Variants in VPS50 observed in about 807,000 individuals in gnomAD.
VPS50 encodes syndetin.
In VPS50, 70 loss-of-function variants were observed where a neutral mutation model predicts 139.7. The observed-to-expected ratio is 0.50, with a 90% confidence interval of 0.41 to 0.61. The LOEUF is 0.61. Ranked by LOEUF, VPS50 falls within the 20% of genes least tolerant of loss-of-function variation. VPS50 has a pLI of 0.00. For missense variants in VPS50, 921 were observed against 1,133.7 expected (o/e 0.81, Z 2.69); for synonymous variants, 365 against 376.7 (o/e 0.97, Z 0.36).
At chr7:93,259,691 G>A in intron 9 of VPS50, 59 bp downstream of exon 9, 1 of 846,168 alleles carries the variant, frequency 1.2e-6, no homozygotes, top group East Asian at 2.5e-5. Flanking sequence ...TGTAGCAGCT[G>A]TGTAAAAATG....
At chr7:93,331,473 A>G (rs1797939527) in intron 21 of VPS50, among the ~76,000 whole-genome samples, 1 of 152,136 alleles carries the variant, frequency 6.6e-6, no homozygotes, top group South Asian at 2.1e-4. Context: ...AAGAGCACTA[A>G]GGCAGTTCAT....
intron 2 of VPS50, among the ~76,000 whole-genome samples, chr7:93,248,044 C>T (rs967852289): frequency 6.6e-6 from 1 of 151,832 alleles, no homozygotes; most frequent in Non-Finnish European, 1.5e-5. Context: ...TATTTTTGGA[C>T]TTTCAAGTTT....
At chr7:93,246,078 G>GA (rs1375057623) in intron 2 of VPS50, 12 of 1,484,080 alleles carry the variant, frequency 8.1e-6, no homozygotes, top group Non-Finnish European at 1.1e-5. Flanking sequence ...GTCACTAAAC[G>GA]CTTCTTTTTT....
chr7:93,251,524 G>A (rs1233756252), intron 2 of VPS50, among the ~76,000 whole-genome samples: 2 of 151,680 alleles, frequency 1.3e-5, no homozygotes, highest in African/African-American at 2.4e-5. Context: ...TTGGGGGGTG[G>A]GGGGCTAGGG....
chr7:93,306,307 A>T (rs1478678150), intron 18 of VPS50, among the ~76,000 whole-genome samples: 1 of 151,936 alleles, frequency 6.6e-6, no homozygotes, highest in Non-Finnish European at 1.5e-5. Flanking sequence ...GTGATATATT[A>T]TGTGAATATT....
intron 27 of VPS50, 123 bp from the exon 28 acceptor site, chr7:93,358,194 T>A: frequency 1.2e-6 from 1 of 856,324 alleles, no homozygotes; most frequent in Non-Finnish European, 1.9e-6. Flanking sequence ...TTCCACTGTT[T>A]TTCACTGGTT....
intron 2 of VPS50, among the ~76,000 whole-genome samples, chr7:93,250,070 T>C (rs1406607082): frequency 2.6e-5 from 4 of 152,058 alleles, no homozygotes; most frequent in Non-Finnish European, 5.9e-5. Context: ...AGCTATGTCA[T>C]TGACCTTTTT....
chr7:93,262,917 G>A (rs1037693151), intron 9 of VPS50, among the ~76,000 whole-genome samples: 3 of 152,214 alleles, frequency 2.0e-5, no homozygotes, highest in African/African-American at 7.2e-5. Flanking sequence ...GATATAATGT[G>A]GGATATAAGG....
chr7:93,306,871 A>G (rs148516788), intron 18 of VPS50, among the ~76,000 whole-genome samples: 5 of 151,884 alleles, frequency 3.3e-5, no homozygotes, highest in African/African-American at 1.2e-4. Flanking sequence ...TTTAGAATTT[A>G]TTTTTCATTT....
At chr7:93,321,288 C>T in intron 20 of VPS50, 1 of 152,160 alleles carries the variant, frequency 6.6e-6, no homozygotes, top group East Asian at 1.9e-4. Context: ...CCAGCCTCGC[C>T]TTCTCACCCT....
chr7:93,358,243 G>T (rs368073253), intron 27 of VPS50, 74 bp from the exon 28 acceptor site: 3 of 1,364,230 alleles, frequency 2.2e-6, no homozygotes, highest in East Asian at 2.3e-5. Flanking sequence ...CTGAATATCC[G>T]CCTGTTCTTT....
At chr7:93,331,759 C>T (rs1382401242) in intron 21 of VPS50, among the ~76,000 whole-genome samples, 1 of 151,974 alleles carries the variant, frequency 6.6e-6, no homozygotes, top group Non-Finnish European at 1.5e-5. Flanking sequence ...TGGTTAACAA[C>T]GTTTGCTAAA....
At chr7:93,342,513 C>G (rs1235934512) in intron 23 of VPS50, among the ~76,000 whole-genome samples, 1 of 152,220 alleles carries the variant, frequency 6.6e-6, no homozygotes, top group African/African-American at 2.4e-5. Context: ...GTAGGCTCCA[C>G]CTCTGGGGGC....
chr7:93,283,910 C>T (rs1196941489), intron 12 of VPS50, among the ~76,000 whole-genome samples: 1 of 152,142 alleles, frequency 6.6e-6, no homozygotes, highest in Non-Finnish European at 1.5e-5. Flanking sequence ...GTTTCTAATG[C>T]ACCCAGGGAA....
At chr7:93,296,996 T>C in intron 15 of VPS50, 149 bp from the exon 16 acceptor site, 1 of 1,445,672 alleles carries the variant, frequency 6.9e-7, no homozygotes. Flanking sequence ...TTTGGGTGTT[T>C]GTAAACCTTT....
At chr7:93,232,584 G>A in intron 1 of VPS50, 84 bp downstream of exon 1, 2 of 1,245,224 alleles carry the variant, frequency 1.6e-6, no homozygotes, top group Non-Finnish European at 2.4e-6. Flanking sequence ...CCAGTGGCGG[G>A]CGGGGATCTA....
At chr7:93,253,338 T>A (rs1204072707) in intron 3 of VPS50, among the ~76,000 whole-genome samples, 1 of 152,180 alleles carries the variant, frequency 6.6e-6, no homozygotes, top group Non-Finnish European at 1.5e-5. Flanking sequence ...TGGTATGCAT[T>A]TTTTGGTTAG....
chr7:93,347,155 A>C (rs981814119), intron 23 of VPS50, among the ~76,000 whole-genome samples: 6 of 148,862 alleles, frequency 4.0e-5, no homozygotes, highest in African/African-American at 1.5e-4. Flanking sequence ...CCCATCAAAA[A>C]GTGGGCAAAG....
At position 93,290,278 on chromosome 7, in the gene VPS50, AT is replaced by A. The variant is rs374856436; in HGVS notation, c.943-1423del. On this transcript the variant is annotated intron_variant, in intron 12 of 27. Coordinates refer to ENST00000305866, the MANE Select transcript of VPS50 (RefSeq NM_017667.4). ...TTTTGCCTCTGTTTTCTGTAATCTA[AT>A]TGCATTAGCTTGTACTTCTGAATCA... Among the ~76,000 whole-genome samples the A allele has an allele frequency of 3.3e-5, 5 of 152,002 alleles. No homozygotes were observed. The East Asian group carries it at 9.7e-4, about 29-fold the overall frequency.
Sources: allele counts gnomAD v4.1 joint callset (sites outside exome capture counted in the v4.1 genomes callset), GRCh38; gene constraint gnomAD v4.1.1; transcripts MANE v1.5; gene names NCBI Gene and HGNC (gene_info 2026-07-23, HGNC 2026-07-21).